Variants in ATPSCKMT observed in about 807,000 individuals in gnomAD.
The protein encoded by ATPSCKMT is ATP synthase c subunit lysine N-methyltransferase.
ATPSCKMT carries 24 observed loss-of-function variants against 24.3 expected under a neutral mutation model. The ratio of observed to expected loss-of-function variants is 0.99; its 90% CI spans 0.71 to 1.39. ATPSCKMT has a LOEUF of 1.39. Among genes scored for constraint, ATPSCKMT ranks in the 40% most tolerant of loss-of-function variants. The probability of loss-of-function intolerance (pLI) is 0.00; values close to 1 mark genes in which losing one functional copy is unlikely to be tolerated. For synonymous variants in ATPSCKMT, 95 were observed against 110.5 expected (o/e 0.86, Z 0.88); for missense variants, 311 against 298.4 (o/e 1.04, Z -0.31).
At position 10,239,167 on chromosome 5, in the gene ATPSCKMT, G is replaced by A. The variant is rs367602123; in HGVS notation, c.206C>T (p.Pro69Leu). ...VTPALRKVCLPFVPATTKQIE... is the reference protein window; with the variant it reads ...VTPALRKVCLLFVPATTKQIE... ...CTGCTTCGTAGTTGCAGGTACAAAC[G>A]GCAAACAGACTTTTCGAAGGGCTGG... The change falls in exon 2 of 5, where the codon CCG becomes CTG. Residue 69 changes from proline (P) to leucine (L), a missense_variant. Pro to Leu is a moderately conservative substitution (Grantham distance 98). Coordinates refer to ENST00000511437, the MANE Select transcript of ATPSCKMT (RefSeq NM_199133.4). The A allele has an allele frequency of 1.2e-6, 2 of 1,614,122 alleles. No homozygotes were observed. Among genetic ancestry groups the A allele is most frequent in the African/African-American group, 1.3e-5 (1 of 75,016 alleles).
In ATPSCKMT at chr5:10,235,191, G is replaced by A. The variant is rs373147219; in HGVS notation, c.495+20C>T. On this transcript the variant is annotated intron_variant, in intron 4 of 4. Transcript: ENST00000511437. ...AACATCATCTAACCCCAAACAGAGA[G>A]CAGGAAAGTGCATACTCACCATCTG... 3 of 1,612,946 alleles carry A rather than the reference G, an allele frequency of 1.9e-6. No homozygotes were observed. Among genetic ancestry groups the A allele is most frequent in the Non-Finnish European group, 2.5e-6 (3 of 1,179,080 alleles).
At chr5:10,229,958 C>T (rs1744048134) in intron 4 of ATPSCKMT, among the ~76,000 whole-genome samples, 1 of 152,220 alleles carries the variant, frequency 6.6e-6, no homozygotes, top group Non-Finnish European at 1.5e-5. Flanking sequence ...TGTATCTTCC[C>T]TTCCACAGTC....
intron 3 of ATPSCKMT, 170 bp downstream of exon 3, chr5:10,236,308 A>C: frequency 1.3e-6 from 1 of 766,778 alleles, no homozygotes; most frequent in Non-Finnish European, 1.9e-6. Context: ...TTCTCTCTAA[A>C]GGAGACTATT....
intron 1 of ATPSCKMT, among the ~76,000 whole-genome samples, chr5:10,242,449 C>G (rs1419960854): frequency 6.6e-6 from 1 of 152,250 alleles, no homozygotes; most frequent in African/African-American, 2.4e-5. Flanking sequence ...GTTGCAGCAA[C>G]TCAGTCTCAT....
chr5:10,247,951 G>T (rs1745007937), intron 1 of ATPSCKMT, among the ~76,000 whole-genome samples: 1 of 152,168 alleles, frequency 6.6e-6, no homozygotes, highest in Admixed American at 6.5e-5. Context: ...TTTAGTGGCA[G>T]ATTTGGATCA....
At position 10,227,600 on chromosome 5, in the gene ATPSCKMT, T is replaced by C. The variant is rs751884422; in HGVS notation, c.543A>G (p.Ala181=). The C allele has an allele frequency of 6.2e-7, 1 of 1,614,246 alleles. No homozygotes were observed. Among genetic ancestry groups the C allele is most frequent in the South Asian group, 1.1e-5 (1 of 91,086 alleles). Residue 181 remains alanine (A), a synonymous_variant, in exon 5 of 5, where the codon GCA becomes GCG. Transcript: ENST00000511437. Reference sequence around the variant, plus strand: ...AAGGGAACCGGCAAGCAATAACTCGTGCATCATCCTCAAGTTCACGTTCAA... The same window carrying C: ...AAGGGAACCGGCAAGCAATAACTCGCGCATCATCCTCAAGTTCACGTTCAA... ...KKLERELEDD[A]RVIACRFPFP...
chr5:10,228,223 A>AT (rs1743969965), intron 4 of ATPSCKMT, among the ~76,000 whole-genome samples: 1 of 152,142 alleles, frequency 6.6e-6, no homozygotes, highest in African/African-American at 2.4e-5. Context: ...ATAATTAGCA[A>AT]TTTTTTTGTT....
At chr5:10,245,346 G>C (rs1744864872) in intron 1 of ATPSCKMT, among the ~76,000 whole-genome samples, 1 of 152,160 alleles carries the variant, frequency 6.6e-6, no homozygotes, top group Non-Finnish European at 1.5e-5. Context: ...CGTGAACCTG[G>C]AAGGCGGAGT....
chr5:10,238,692 A>G lies in ATPSCKMT; in HGVS notation c.306+375T>C, dbSNP rs1744486843. Among the ~76,000 whole-genome samples, 3 of 152,396 alleles carry G rather than the reference A, an allele frequency of 2.0e-5. No individual in the cohort carries two copies. The South Asian group carries it at 6.2e-4, about 32-fold the overall frequency. ...AATTATTACTTATACATGGATAAATACAGACAAATGCAGAAGCAAACAACT... is the reference window on the plus strand; with the variant it reads ...AATTATTACTTATACATGGATAAATGCAGACAAATGCAGAAGCAAACAACT... On this transcript the variant is annotated intron_variant, in intron 2 of 4. Coordinates refer to ENST00000511437, the MANE Select transcript of ATPSCKMT (RefSeq NM_199133.4).
At chr5:10,237,062 T>C in intron 2 of ATPSCKMT, 1 of 1,255,420 alleles carries the variant, frequency 8.0e-7, no homozygotes, top group Non-Finnish European at 1.0e-6. Flanking sequence ...AAATCTGCAA[T>C]TAGTTACATA....
intron 1 of ATPSCKMT, chr5:10,249,630 A>T: frequency 3.2e-6 from 2 of 623,386 alleles, no homozygotes; most frequent in South Asian, 2.6e-5. Context: ...TAAGTAGCCT[A>T]GAACAGTCTC....
chr5:10,236,542 C>A lies in ATPSCKMT; in HGVS notation c.380G>T (p.Arg127Ile), dbSNP rs1239796053. ...ELNPWLVWYS[R>I]YRAWREGVHG... ...CACACCTTCTCGCCAAGCGCGGTAT[C>A]TGGAATACCAAACTAGCCATGGGTT... The change falls in exon 3 of 5, where the codon AGA becomes ATA. Residue 127 changes from arginine to isoleucine, a missense_variant. Physicochemically the swap from Arg to Ile is moderately conservative, Grantham distance 97 (BLOSUM62 -3). Coordinates refer to ENST00000511437, the MANE Select transcript of ATPSCKMT (RefSeq NM_199133.4). 2.5e-6 allele frequency: 4 copies of A among 1,614,218 alleles called. No homozygotes were observed. Among genetic ancestry groups the A allele is most frequent in the Admixed American group, 1.7e-5 (1 of 60,026 alleles).
intron 1 of ATPSCKMT, 147 bp downstream of exon 1, chr5:10,249,711 G>A: frequency 7.7e-7 from 1 of 1,299,526 alleles, no homozygotes; most frequent in Non-Finnish European, 1.0e-6. Flanking sequence ...AGGAGCTCTG[G>A]TCACCGAAGG....
chr5:10,228,478 A>C (rs2126416671), intron 4 of ATPSCKMT, among the ~76,000 whole-genome samples: 1 of 152,350 alleles, frequency 6.6e-6, no homozygotes, highest in African/African-American at 2.4e-5. Context: ...AGAAGTATTG[A>C]TATTTTAATT....
chr5:10,232,765 G>A lies in ATPSCKMT; in HGVS notation c.495+2446C>T, dbSNP rs966906494. Among the ~76,000 whole-genome samples, 184 of 152,352 alleles carry A rather than the reference G, an allele frequency of 1.2e-3. 1 individual carries two copies. The highest frequency in any genetic ancestry group is 4.1e-3 in the African/African-American group (172 of 41,584). On this transcript the variant is annotated intron_variant, in intron 4 of 4. Coordinates refer to ENST00000511437, the MANE Select transcript of ATPSCKMT (RefSeq NM_199133.4). ...AGGGCAGCATGGCCCAGGGGAGGCT[G>A]GAGGGGAGCAGGGGCCCCTGCGCAC... is the stretch of plus-strand genomic sequence containing the variant.
chr5:10,231,821 CAAAT>C (rs1744151143), intron 4 of ATPSCKMT, among the ~76,000 whole-genome samples: 1 of 152,112 alleles, frequency 6.6e-6, no homozygotes, highest in Admixed American at 6.5e-5. Context: ...CCACACTTGT[CAAAT>C]GAATGAAGGA....
intron 4 of ATPSCKMT, among the ~76,000 whole-genome samples, chr5:10,230,753 C>G (rs1018512887): frequency 6.6e-6 from 1 of 152,126 alleles, no homozygotes; most frequent in Non-Finnish European, 1.5e-5. Flanking sequence ...CCAGGAACCC[C>G]GGTTTCACTG....
chr5:10,241,983 AAG>A (rs1744665686), intron 1 of ATPSCKMT, among the ~76,000 whole-genome samples: 1 of 152,230 alleles, frequency 6.6e-6, no homozygotes, highest in Non-Finnish European at 1.5e-5. Flanking sequence ...ATTTTTAAAA[AAG>A]AGTTTATTGC....
intron 4 of ATPSCKMT, among the ~76,000 whole-genome samples, chr5:10,232,223 T>A (rs1381417391): frequency 6.6e-6 from 1 of 151,952 alleles, no homozygotes; most frequent in Non-Finnish European, 1.5e-5. Context: ...AAAAAAAAAA[T>A]TCATAACAGA....
Sources: allele counts gnomAD v4.1 joint callset (sites outside exome capture counted in the v4.1 genomes callset), GRCh38; gene constraint gnomAD v4.1.1; transcripts MANE v1.5; gene names NCBI Gene and HGNC (gene_info 2026-07-23, HGNC 2026-07-21).